The following ANKRD26 variants were observed in gnomAD, a reference collection of about 807,000 sequenced individuals.
ANKRD26 encodes ankyrin repeat domain-containing protein 26.
A neutral mutation model predicts 208.7 loss-of-function variants in ANKRD26; 141 were observed. The observed-to-expected ratio is 0.68, with a 90% confidence interval of 0.59 to 0.78. ANKRD26 has a LOEUF of 0.78. Among genes scored for constraint, ANKRD26 ranks in the 30% least tolerant of loss-of-function variants. The pLI, the probability that ANKRD26 is intolerant of heterozygous loss-of-function variation, is 0.00. For missense variants in ANKRD26, 1,889 were observed against 1,938.7 expected (o/e 0.97, Z 0.48); for synonymous variants, 636 against 660.4 (o/e 0.96, Z 0.57).
Position 27,093,691 on chromosome 10 carries a change from C to T in ANKRD26, c.351G>A (p.Leu117=). 1 of 1,613,850 alleles carries T rather than the reference C, an allele frequency of 6.2e-7. No individual in the cohort carries two copies. The highest frequency in any genetic ancestry group is 8.5e-7 in the Non-Finnish European group (1 of 1,179,700). The change falls in exon 2 of 34, where the codon CTG becomes CTA. Residue 117 remains leucine (L), a synonymous_variant. Coordinates refer to ENST00000376087, the MANE Select transcript of ANKRD26 (RefSeq NM_014915.3). Reference sequence around the variant, plus strand: ...AGAGCTGGCTACTATATACCTTCATCAGAGCTGTCCTGTTTTCGTTGTCAC... The same window carrying T: ...AGAGCTGGCTACTATATACCTTCATTAGAGCTGTCCTGTTTTCGTTGTCAC... ...NVCDNENRTA[L]MKAVQCQEEK...
intron 6 of ANKRD26, chr10:27,080,141 T>C (rs758489143): frequency 5.3e-6 from 1 of 188,784 alleles, no homozygotes; most frequent in South Asian, 7.5e-5. Context: ...TGGGCAACAG[T>C]GCAAGACTTT....
At chr10:27,082,707 A>G in intron 6 of ANKRD26, 96 bp downstream of exon 6, 1 of 1,465,378 alleles carries the variant, frequency 6.8e-7, no homozygotes, top group Non-Finnish European at 9.1e-7. Flanking sequence ...TATATGGAGA[A>G]GCACATAATA....
At chr10:27,047,635 A>G (rs926220281) in intron 17 of ANKRD26, among the ~76,000 whole-genome samples, 4 of 151,842 alleles carry the variant, frequency 2.6e-5, no homozygotes, top group African/African-American at 9.7e-5. Flanking sequence ...GAAAGAAAAT[A>G]AAAGAATTTG....
Position 27,043,522 on chromosome 10 carries a change from G to C in ANKRD26, c.2065C>G (p.Gln689Glu), listed in dbSNP as rs1271091291. ...TCCTCTGAGGCTGTTTCAGATGACT[G>C]AGTTAAGTCATCAACATCATCCATA... is the stretch of plus-strand genomic sequence containing the variant. ...QSMDDVDDLTQSSETASEDCE... is the reference protein window; with the variant it reads ...QSMDDVDDLTESSETASEDCE... The change falls in exon 20 of 34, where the codon CAG becomes GAG. Residue 689 changes from glutamine (Q) to glutamate (E), a missense_variant. Around this residue, in one of 3 missense-constraint regions of ANKRD26, gnomAD observed 1,272 missense variants for 1,273.8 expected, o/e 1.00. Coordinates refer to ENST00000376087, the MANE Select transcript of ANKRD26 (RefSeq NM_014915.3). 1.2e-6 allele frequency: 2 copies of C among 1,613,446 alleles called. No individual in the cohort carries two copies. Among genetic ancestry groups the C allele is most frequent in the African/African-American group, 2.7e-5 (2 of 74,890 alleles).
intron 4 of ANKRD26, among the ~76,000 whole-genome samples, chr10:26,997,755 T>G (rs553380682): frequency 6.6e-6 from 1 of 152,196 alleles, no homozygotes; most frequent in Non-Finnish European, 1.5e-5. Context: ...CAGGTAGCCA[T>G]GTGTTTCGGA....
At chr10:27,003,560 T>C (rs2052773060), downstream of ANKRD26, among the ~76,000 whole-genome samples, 1 of 152,200 alleles carries the variant, frequency 6.6e-6, no homozygotes, top group Non-Finnish European at 1.5e-5. Flanking sequence ...TATAGTAGCT[T>C]AACCATGGAC....
At chr10:27,006,984 T>C (rs773636193) in intron 32 of ANKRD26, 22 bp from the exon 33 acceptor site, 1 of 1,561,776 alleles carries the variant, frequency 6.4e-7, no homozygotes, top group South Asian at 1.1e-5. Flanking sequence ...CAAATGTTAT[T>C]TATAATGTTT....
At chr10:27,045,438 A>G (rs11015478) in intron 18 of ANKRD26, among the ~76,000 whole-genome samples, 12,919 of 152,008 alleles carry the variant, frequency 0.085, 673 homozygotes, top group African/African-American at 0.15. Context: ...AAAAAAAAAA[A>G]AAAATCCTTA....
At chr10:27,084,903 CTTTT>C (rs1238033670) in intron 5 of ANKRD26, among the ~76,000 whole-genome samples, 1 of 148,684 alleles carries the variant, frequency 6.7e-6, no homozygotes, top group South Asian at 2.1e-4. Flanking sequence ...TCTGTACTTA[CTTTT>C]TTTTTCCTGT....
the ANKRD26 span, among the ~76,000 whole-genome samples, chr10:26,963,822 A>T: frequency 6.8e-6 from 1 of 146,216 alleles, no homozygotes; most frequent in Admixed American, 6.8e-5. Context: ...GTTACCTTGT[A>T]GTTTAACAGT....
downstream of ANKRD26, among the ~76,000 whole-genome samples, chr10:27,000,244 G>A (rs1306212692): frequency 2.0e-5 from 3 of 152,158 alleles, no homozygotes; most frequent in Non-Finnish European, 4.4e-5. Context: ...AAGATGCTAA[G>A]TTTGTGATGG....
intron 26 of ANKRD26, 53 bp from the exon 27 acceptor site, chr10:27,028,998 T>A: frequency 7.0e-7 from 1 of 1,421,560 alleles, no homozygotes; most frequent in Non-Finnish European, 9.7e-7. Flanking sequence ...TTTAAAATAC[T>A]GTGTAATTTC....
chr10:26,954,116 C>T, the ANKRD26 span, among the ~76,000 whole-genome samples: 1 of 152,168 alleles, frequency 6.6e-6, no homozygotes, highest in Non-Finnish European at 1.5e-5. Flanking sequence ...CAGTTATTCC[C>T]CCAGGATGCT....
rs1186423777 is a variant in ANKRD26 at position 26,997,405 on chromosome 10, A to G, written c.563-2258T>C. On this transcript the variant is annotated intron_variant, in intron 4 of 5. Transcript: ENST00000445828. ...ATTTGTTTTGTCAAGGTAGAATACT[A>G]GGAGAGGTGAAACACTTTAACTTCC... is the stretch of plus-strand genomic sequence containing the variant. 7.2e-5 allele frequency among the ~76,000 whole-genome samples: 11 copies of G among 152,306 alleles called. No homozygotes were observed. The East Asian group carries it at 1.5e-3, about 21-fold the overall frequency.
intron 5 of ANKRD26, among the ~76,000 whole-genome samples, chr10:26,976,461 C>T (rs530938806): frequency 1.8e-4 from 28 of 152,046 alleles, no homozygotes; most frequent in Non-Finnish European, 3.7e-4. Flanking sequence ...GTGATCTGCC[C>T]GCCTCAGCCT....
At chr10:27,069,187 G>A (rs966532089) in intron 9 of ANKRD26, among the ~76,000 whole-genome samples, 8 of 89,572 alleles carry the variant, frequency 8.9e-5, no homozygotes, top group South Asian at 1.0e-3. Context: ...AGAGTGAGAC[G>A]TCGTCTCAAA....
chr10:26,980,612 G>C (rs2052292913), exon 5 of ANKRD26, among the ~76,000 whole-genome samples: 1 of 152,228 alleles, frequency 6.6e-6, no homozygotes, highest in South Asian at 2.1e-4. Flanking sequence ...GTGATCATGA[G>C]AGATGTTCCT....
At chr10:27,001,697 T>C (rs2052729135), downstream of ANKRD26, among the ~76,000 whole-genome samples, 1 of 152,154 alleles carries the variant, frequency 6.6e-6, no homozygotes, top group Admixed American at 6.5e-5. Flanking sequence ...GTACAAAGAA[T>C]AGGGAAGATG....
chr10:27,085,108 GT>G (rs1554794727), intron 5 of ANKRD26, among the ~76,000 whole-genome samples: 5 of 145,946 alleles, frequency 3.4e-5, no homozygotes, highest in South Asian at 2.2e-4. Context: ...TTTTTTGTTT[GT>G]TTTTTTTTTG....
Sources: gnomAD v4.1 joint callset for allele counts (sites outside exome capture counted in the v4.1 genomes callset) on GRCh38, gnomAD v4.1.1 for gene constraint, gnomAD v4.1.1 regional missense constraint, MANE v1.5 for transcripts, NCBI Gene and HGNC (gene_info 2026-07-23, HGNC 2026-07-21) for gene names.